The following FRMD4B variants were observed in gnomAD, a reference collection of about 807,000 sequenced individuals.
FRMD4B encodes FERM domain containing 4B.
A neutral mutation model predicts 141.5 loss-of-function variants in FRMD4B; 74 were observed. The observed-to-expected ratio is 0.52, with a 90% CI of 0.43 to 0.63. The LOEUF (loss-of-function observed/expected upper bound fraction) is 0.63. Among genes scored for constraint, FRMD4B ranks in the 30% least tolerant of loss-of-function variants. FRMD4B has a pLI of 0.00. For missense variants in FRMD4B, 1,366 were observed against 1,253.4 expected, an observed-to-expected ratio of 1.09 and a Z score of -1.36; for synonymous variants, 506 against 467.9, an observed-to-expected ratio of 1.08 and a Z score of -1.05.
intron 1 of FRMD4B, among the ~76,000 whole-genome samples, chr3:69,528,544 T>C (rs1700966239): frequency 6.6e-6 from 1 of 152,010 alleles, no homozygotes; most frequent in African/African-American, 2.4e-5. Flanking sequence ...TTTTATATTT[T>C]TAGTAGAGAT....
intron 1 of FRMD4B, among the ~76,000 whole-genome samples, chr3:69,360,258 T>G (rs1427926222): frequency 1.3e-5 from 2 of 152,206 alleles, no homozygotes; most frequent in Non-Finnish European, 2.9e-5. Context: ...ATTGTTTCAT[T>G]TATATTCTTG....
chr3:69,196,861 G>A (rs2092911544), intron 13 of FRMD4B, 39 bp downstream of exon 13: 6 of 1,502,304 alleles, frequency 4.0e-6, no homozygotes, highest in Non-Finnish European at 5.5e-6. Flanking sequence ...GAATGCAAAA[G>A]GGGAATCTGT....
At chr3:69,351,549 T>G (rs1703151288) in intron 1 of FRMD4B, among the ~76,000 whole-genome samples, 1 of 152,220 alleles carries the variant, frequency 6.6e-6, no homozygotes, top group Admixed American at 6.5e-5. Flanking sequence ...TTGGAAACCA[T>G]GCAGAACAGA....
At chr3:69,440,310 G>C (rs1705324118) in intron 1 of FRMD4B, among the ~76,000 whole-genome samples, 1 of 152,096 alleles carries the variant, frequency 6.6e-6, no homozygotes, top group African/African-American at 2.4e-5. Flanking sequence ...TTTTGATACT[G>C]TGTTTTCCTC....
At chr3:69,184,640 T>C (rs2092745511) in intron 19 of FRMD4B, among the ~76,000 whole-genome samples, 1 of 152,220 alleles carries the variant, frequency 6.6e-6, no homozygotes. Flanking sequence ...GAGATGTGGG[T>C]ATAATAATTT....
intron 1 of FRMD4B, among the ~76,000 whole-genome samples, chr3:69,455,692 G>A (rs1301553370): frequency 2.6e-5 from 4 of 152,222 alleles, no homozygotes; most frequent in South Asian, 2.1e-4. Context: ...TTGGGCACAA[G>A]GTGACCCCAA....
chr3:69,273,904 G>A (rs147756452), intron 5 of FRMD4B, among the ~76,000 whole-genome samples: 1 of 151,042 alleles, frequency 6.6e-6, no homozygotes, highest in African/African-American at 2.4e-5. Flanking sequence ...TGTAGGAAAT[G>A]GTGGTGGTAG....
intron 4 of FRMD4B, among the ~76,000 whole-genome samples, chr3:69,298,955 T>C (rs1701121778): frequency 6.6e-6 from 1 of 151,938 alleles, no homozygotes; most frequent in Non-Finnish European, 1.5e-5. Flanking sequence ...CACTGCTATA[T>C]TCCCAGCATC....
intron 1 of FRMD4B, among the ~76,000 whole-genome samples, chr3:69,360,447 T>C (rs1417469065): frequency 1.3e-5 from 2 of 152,188 alleles, no homozygotes; most frequent in Non-Finnish European, 2.9e-5. Flanking sequence ...AAATATCCAA[T>C]TATCTGATTA....
intron 1 of FRMD4B, among the ~76,000 whole-genome samples, chr3:69,505,692 A>G (rs530981842): frequency 2.0e-5 from 3 of 152,342 alleles, no homozygotes; most frequent in South Asian, 4.1e-4. Flanking sequence ...TTTATTTACA[A>G]CATGTTACAG....
intron 11 of FRMD4B, among the ~76,000 whole-genome samples, chr3:69,207,503 T>A (rs1362067762): frequency 1.3e-5 from 2 of 151,808 alleles, no homozygotes; most frequent in African/African-American, 4.8e-5. Context: ...CTTAGACATG[T>A]AAAGGAATAG....
At chr3:69,306,249 C>A (rs986883190) in intron 3 of FRMD4B, among the ~76,000 whole-genome samples, 1 of 152,070 alleles carries the variant, frequency 6.6e-6, no homozygotes, top group African/African-American at 2.4e-5. Context: ...TAGATCTAAC[C>A]AATATCTTAA....
chr3:69,263,396 C>CTTT (rs67497031), intron 5 of FRMD4B, among the ~76,000 whole-genome samples: 2,170 of 72,870 alleles, frequency 0.03, 209 homozygotes, highest in African/African-American at 0.073. Context: ...GTTACATGCA[C>CTTT]TTTTTTTTTT....
intron 2 of FRMD4B, among the ~76,000 whole-genome samples, chr3:69,419,225 G>GC (rs1704927299): frequency 6.6e-6 from 1 of 152,184 alleles, no homozygotes; most frequent in Non-Finnish European, 1.5e-5. Flanking sequence ...ACTGACCAAA[G>GC]CAAGTATGAA....
At chr3:69,492,973 A>G (rs1257370791) in intron 1 of FRMD4B, among the ~76,000 whole-genome samples, 2 of 152,212 alleles carry the variant, frequency 1.3e-5, no homozygotes, top group Non-Finnish European at 2.9e-5. Flanking sequence ...CCATCTCTGT[A>G]TCTTCAGTCT....
At chr3:69,248,282 G>T (rs983090849) in intron 7 of FRMD4B, among the ~76,000 whole-genome samples, 2 of 151,816 alleles carry the variant, frequency 1.3e-5, no homozygotes, top group Non-Finnish European at 2.9e-5. Flanking sequence ...TATAGAGAGA[G>T]CACAAAACAG....
upstream of FRMD4B, among the ~76,000 whole-genome samples, chr3:69,386,605 A>T (rs541699243): frequency 2.0e-5 from 3 of 152,074 alleles, no homozygotes; most frequent in African/African-American, 7.2e-5. Flanking sequence ...ATCCCTTTGG[A>T]CCCTACTCCT....
At chr3:69,248,076 G>A (rs1169970109) in intron 7 of FRMD4B, among the ~76,000 whole-genome samples, 1 of 151,968 alleles carries the variant, frequency 6.6e-6, no homozygotes, top group African/African-American at 2.4e-5. Context: ...ACAGGCGTGA[G>A]CCACCATGCC....
chr3:69,537,940 G>A (rs548126934), intron 1 of FRMD4B, among the ~76,000 whole-genome samples: 3 of 152,156 alleles, frequency 2.0e-5, no homozygotes, highest in Non-Finnish European at 4.4e-5. Context: ...TGTCTACATG[G>A]TCTGGGTAGG....
Sources: allele counts gnomAD v4.1 joint callset (sites outside exome capture counted in the v4.1 genomes callset), GRCh38; gene constraint gnomAD v4.1.1; transcripts MANE v1.5; gene names NCBI Gene and HGNC (gene_info 2026-07-23, HGNC 2026-07-21).